Variants in CLCN6 observed in about 807,000 individuals in gnomAD.
CLCN6 encodes the protein H(+)/Cl(-) exchange transporter 6.
Under a neutral mutation model 109.8 loss-of-function variants are expected in CLCN6, and 70 were observed. The ratio of observed to expected loss-of-function variants is 0.64; its 90% CI spans 0.53 to 0.78. CLCN6 has a LOEUF of 0.78. Ranked by LOEUF, CLCN6 falls within the 30% of genes least tolerant of loss-of-function variation. CLCN6 has a pLI of 0.00. For missense variants in CLCN6, 984 were observed against 1,142.3 expected, an observed-to-expected ratio of 0.86 and a Z score of 2.00; for synonymous variants, 444 against 447.8, an observed-to-expected ratio of 0.99 and a Z score of 0.11.
At chr1:11,821,297 C>T (rs552907334) in intron 5 of CLCN6, among the ~76,000 whole-genome samples, 2 of 152,196 alleles carry the variant, frequency 1.3e-5, no homozygotes, top group Admixed American at 6.5e-5. Context: ...GTGGCTGACG[C>T]CTGTAATCCC....
At position 11,822,751 on chromosome 1, in the gene CLCN6, G is replaced by A. The variant is rs776376078; in HGVS notation, c.403G>A (p.Gly135Ser). ...CGCTCTGTCTCTCCTTGAACTCCTG[G>A]GTTTTAACCTCACCTTTGTCTTCCT... Reference protein sequence around the residue: ...CLALSLLELLGFNLTFVFLAS... With the variant: ...CLALSLLELLSFNLTFVFLAS... Residue 135 changes from glycine to serine, a missense_variant, in exon 6 of 23, where the codon GGT becomes AGT. Gly to Ser is a moderately conservative substitution (Grantham distance 56, BLOSUM62 0). Coordinates refer to ENST00000346436, the MANE Select transcript of CLCN6 (RefSeq NM_001286.5). The A allele has an allele frequency of 7.4e-6, 12 of 1,614,074 alleles. No individual in the cohort carries two copies. Among genetic ancestry groups the A allele is most frequent in the Middle Eastern group, 1.7e-4 (1 of 6,060 alleles).
rs866424043 is a variant in CLCN6, at chr1:11,806,950, A to C, written c.88-181A>C. On this transcript the variant is annotated intron_variant, in intron 1 of 22. Coordinates refer to ENST00000346436, the MANE Select transcript of CLCN6 (RefSeq NM_001286.5). ...TCAGTGGAAATGAAGAGCTCAGCTG[A>C]TGGCTGTAGATCCTCACCCACATGG... The C allele has an allele frequency of 1.3e-5, 8 of 602,098 alleles. No individual in the cohort carries two copies. In the Middle Eastern group the frequency reaches 1.1e-3, roughly 85 times the overall value. The allele number at this position is 602,098 out of a possible 1,614,324, so 37.3% of individuals were successfully genotyped here.
intron 2 of CLCN6, among the ~76,000 whole-genome samples, chr1:11,810,660 G>A (rs1326175186): frequency 6.6e-6 from 1 of 152,214 alleles, no homozygotes; most frequent in East Asian, 1.9e-4. Flanking sequence ...ATATACTGCA[G>A]AAATAAAAAG....
At chr1:11,835,215 C>T (rs1644929296) in intron 17 of CLCN6, among the ~76,000 whole-genome samples, 1 of 152,188 alleles carries the variant, frequency 6.6e-6, no homozygotes. Flanking sequence ...GATCAGTGGG[C>T]TACAGTTTGC....
At chr1:11,824,100 A>G (rs902426526) in intron 7 of CLCN6, among the ~76,000 whole-genome samples, 16 of 152,264 alleles carry the variant, frequency 1.1e-4, no homozygotes, top group African/African-American at 3.9e-4. Context: ...TTTTGTGTCA[A>G]CAGCCAGATA....
intron 2 of CLCN6, among the ~76,000 whole-genome samples, chr1:11,813,011 CAA>C (rs1284160198): frequency 6.6e-6 from 1 of 152,160 alleles, no homozygotes; most frequent in Non-Finnish European, 1.5e-5. Context: ...ATACAATTTC[CAA>C]AGAGAATCAT....
In CLCN6 at chr1:11,840,932, C is replaced by T. The variant is rs1645012270; in HGVS notation, c.*709C>T. 6.6e-6 allele frequency: 1 copy of T among 152,350 alleles called. No individual in the cohort carries two copies. Among genetic ancestry groups the T allele is most frequent in the South Asian group, 2.1e-4 (1 of 4,818 alleles). The allele number at this position is 152,350 out of a possible 1,614,324, so 9.4% of individuals were successfully genotyped here. On this transcript the variant is annotated 3_prime_UTR_variant, in exon 23 of 23. Coordinates refer to ENST00000346436, the MANE Select transcript of CLCN6 (RefSeq NM_001286.5). ...GATAATAGGATCAGATTTACGTCTACCCTAATTCTTAACATTGCAGCTTTC... is the reference window on the plus strand; with the variant it reads ...GATAATAGGATCAGATTTACGTCTATCCTAATTCTTAACATTGCAGCTTTC...
chr1:11,806,456 G>A lies in CLCN6; in HGVS notation c.87+107G>A, dbSNP rs185998105. 1,186 of 1,041,304 alleles carry A rather than the reference G, an allele frequency of 1.1e-3. 4 individuals are homozygous for A. In the African/African-American group the frequency reaches 0.019, roughly 16 times the overall value. The allele number at this position is 1,041,304 out of a possible 1,614,324, so 64.5% of individuals were successfully genotyped here. ...CAATCTGGGCCCGCAGGTGGCAGCG[G>A]GTGGGGCCTGGGGACCGCAGCCAGG... On this transcript the variant is annotated intron_variant, in intron 1 of 22. Coordinates refer to ENST00000346436, the MANE Select transcript of CLCN6 (RefSeq NM_001286.5).
At position 11,828,186 on chromosome 1, in the gene CLCN6, G is replaced by T. The variant is rs566826626; in HGVS notation, c.921G>T (p.Gln307His). ...AGTTTGGAAGCTGGGGTTCCTTCCA[G>T]CTCCCTGGATTGCTGAACTTTGGCG... ...GIQFGSWGSF[Q>H]LPGLLNFGEF... The change falls in exon 11 of 23, where the codon CAG becomes CAT. Residue 307 changes from glutamine to histidine, a missense_variant. Physicochemically the swap from Gln to His is conservative, Grantham distance 24 (BLOSUM62 0). Coordinates refer to ENST00000346436, the MANE Select transcript of CLCN6 (RefSeq NM_001286.5). 7 of 1,614,118 alleles carry T rather than the reference G, an allele frequency of 4.3e-6. No homozygotes were observed. The Admixed American group carries it at 1.2e-4, about 27-fold the overall frequency.
In CLCN6 at chr1:11,838,766, A is replaced by G. The variant is rs549893563; in HGVS notation, c.2529+106A>G. On this transcript the variant is annotated intron_variant, in intron 22 of 22. Coordinates refer to ENST00000346436, the MANE Select transcript of CLCN6 (RefSeq NM_001286.5). Reference sequence around the variant, plus strand: ...CCAGAAACGTAGGCATCCCACCAGGAGGGGAGAGTGTGGCCCAACACTAGC... The same window carrying G: ...CCAGAAACGTAGGCATCCCACCAGGGGGGGAGAGTGTGGCCCAACACTAGC... The G allele has an allele frequency of 1.8e-5, 27 of 1,526,472 alleles. No individual in the cohort carries two copies. The East Asian group carries it at 5.6e-4, about 32-fold the overall frequency. The allele number at this position is 1,526,472 out of a possible 1,614,324, so 94.6% of individuals were successfully genotyped here.
chr1:11,838,475 G>A, intron 21 of CLCN6, 33 bp downstream of exon 21: 1 of 1,609,322 alleles, frequency 6.2e-7, no homozygotes, highest in African/African-American at 1.3e-5. Flanking sequence ...GTCCCATGCG[G>A]AGCTGCCTCT....
intron 4 of CLCN6, among the ~76,000 whole-genome samples, chr1:11,817,200 C>G (rs1211928518): frequency 6.6e-6 from 1 of 152,154 alleles, no homozygotes; most frequent in East Asian, 1.9e-4. Context: ...TTGGGTGATC[C>G]TCCTACCTCA....
At position 11,836,045 on chromosome 1, in the gene CLCN6, C is replaced by A. The variant is rs143767396; in HGVS notation, c.1872C>A (p.Ile624=). 6.2e-6 allele frequency: 10 copies of A among 1,613,850 alleles called. No individual in the cohort carries two copies. Among genetic ancestry groups the A allele is most frequent in the Non-Finnish European group, 8.5e-6 (10 of 1,179,962 alleles). Residue 624 remains isoleucine (I), a synonymous_variant, in exon 18 of 23, where the codon ATC becomes ATA. Transcript: ENST00000346436. ...PHTRIQSLVS[I]LRTTVHHAFP... Reference sequence around the variant, plus strand: ...CCCGCATCCAGTCTCTGGTGAGCATCCTGCGCACCACGGTCCACCATGCCT... The same window carrying A: ...CCCGCATCCAGTCTCTGGTGAGCATACTGCGCACCACGGTCCACCATGCCT...
chr1:11,833,534 C>A lies in CLCN6; in HGVS notation c.1268C>A (p.Ser423Ter). ...FQLQVTEDVN[S>*]SIKTFFCPND... Reference sequence around the variant, plus strand: ...TCTCAGGTCACAGAAGATGTGAATTCAAGTATCAAGACATTTTTTTGTCCC... The same window carrying A: ...TCTCAGGTCACAGAAGATGTGAATTAAAGTATCAAGACATTTTTTTGTCCC... The change falls in exon 14 of 23, where the codon TCA (serine) becomes TAA (stop). Residue 423 changes from serine to a stop codon, truncating the protein, a stop_gained. Transcript: ENST00000346436. LOFTEE classifies it high-confidence loss of function. The A allele has an allele frequency of 1.2e-6, 2 of 1,613,892 alleles. No individual in the cohort carries two copies. The highest frequency in any genetic ancestry group is 2.2e-5 in the South Asian group (2 of 91,072).
intron 5 of CLCN6, among the ~76,000 whole-genome samples, chr1:11,821,525 C>T (rs1230840919): frequency 2.0e-5 from 3 of 152,210 alleles, no homozygotes; most frequent in South Asian, 4.1e-4. Flanking sequence ...CACTGTACTC[C>T]AGCCTGGGTG....
At chr1:11,816,088 T>G in intron 3 of CLCN6, 177 bp downstream of exon 3, 1 of 574,594 alleles carries the variant, frequency 1.7e-6, no homozygotes, top group Non-Finnish European at 3.1e-6. Flanking sequence ...GTACTGCAGG[T>G]TTTACAAACT....
chr1:11,817,395 C>T (rs562991719), intron 4 of CLCN6, among the ~76,000 whole-genome samples: 14 of 152,298 alleles, frequency 9.2e-5, no homozygotes, highest in African/African-American at 3.4e-4. Flanking sequence ...GGCTCCTCCC[C>T]GTACGTCGTT....
chr1:11,816,025 A>T (rs149126118), intron 3 of CLCN6, 114 bp downstream of exon 3: 1 of 790,596 alleles, frequency 1.3e-6, no homozygotes, highest in East Asian at 2.5e-5. Flanking sequence ...GAACCTTTTC[A>T]TGCGATACAG....
chr1:11,809,805 TG>T (rs1378041461), intron 2 of CLCN6, among the ~76,000 whole-genome samples: 2 of 152,228 alleles, frequency 1.3e-5, no homozygotes, highest in Non-Finnish European at 2.9e-5. Flanking sequence ...TATTGGTCAT[TG>T]ATATTTCTCA....
Sources: allele counts gnomAD v4.1 joint callset (sites outside exome capture counted in the v4.1 genomes callset), GRCh38; gene constraint gnomAD v4.1.1; transcripts MANE v1.5; gene names NCBI Gene and HGNC (gene_info 2026-07-23, HGNC 2026-07-21).